The following ABCA10 variants were observed in gnomAD, a reference collection of about 807,000 sequenced individuals.
ABCA10 encodes ATP binding cassette subfamily A member 10.
In ABCA10, 169 loss-of-function variants were observed where a neutral mutation model predicts 187.5. The observed-to-expected ratio is 0.90, with a 90% CI of 0.80 to 1.02. The LOEUF is 1.02. Ranked by LOEUF, ABCA10 falls within the 50% of genes least tolerant of loss-of-function variation. The probability of loss-of-function intolerance (pLI) is 0.00; values close to 1 mark genes in which losing one functional copy is unlikely to be tolerated. For missense variants in ABCA10, 1,727 were observed against 1,812.4 expected (o/e 0.95, Z 0.86); for synonymous variants, 574 against 601.8 (o/e 0.95, Z 0.68).
At chr17:69,214,286 C>T (rs1406291480) in intron 9 of ABCA10, among the ~76,000 whole-genome samples, 1 of 152,052 alleles carries the variant, frequency 6.6e-6, no homozygotes, top group Non-Finnish European at 1.5e-5. Context: ...GAGGCCGAGG[C>T]GGGCGGATCA....
chr17:69,211,360 T>TAC (rs1197088472), intron 9 of ABCA10, among the ~76,000 whole-genome samples: 635 of 30,332 alleles, frequency 0.021, 10 homozygotes, highest in Admixed American at 0.043. Context: ...TATATATATA[T>TAC]ACACACACAC....
intron 25 of ABCA10, among the ~76,000 whole-genome samples, chr17:69,171,863 T>C (rs1163794413): frequency 6.6e-6 from 1 of 151,790 alleles, no homozygotes; most frequent in Non-Finnish European, 1.5e-5. Context: ...AAAAAGATTT[T>C]TTTTAAACTA....
chr17:69,205,795 T>C (rs552187539), intron 9 of ABCA10, among the ~76,000 whole-genome samples: 13 of 152,282 alleles, frequency 8.5e-5, no homozygotes, highest in African/African-American at 2.6e-4. Flanking sequence ...TGGGGGAATA[T>C]TGGAAAAGAA....
rs2074543446 is a variant in ABCA10, at chr17:69,201,423, T to C, written c.1175+77A>G. The stretch of plus-strand genomic sequence containing the variant: ...TAAAAAGAAAAGAACACATAATCTA[T>C]ATCAACATTTGACCTGCAGCTTCAT... On this transcript the variant is annotated intron_variant, in intron 10 of 38. Coordinates refer to ENST00000690296, the MANE Select transcript of ABCA10 (RefSeq NM_001377321.1). 4.0e-6 allele frequency: 5 copies of C among 1,253,824 alleles called. No homozygotes were observed. In the East Asian group the frequency reaches 1.3e-4, roughly 32 times the overall value. The allele number at this position is 1,253,824 out of a possible 1,614,324, so 77.7% of individuals were successfully genotyped here. A position where few individuals can be genotyped will look rare whatever the true frequency, so the allele number is the denominator to read the frequency against.
Position 69,216,558 on chromosome 17 carries a change from C to T in ABCA10, c.531-200G>A, listed in dbSNP as rs547192735. 1.8e-3 allele frequency among the ~76,000 whole-genome samples: 272 copies of T among 152,204 alleles called. 1 individual carries two copies. The highest frequency in any genetic ancestry group is 6.3e-3 in the African/African-American group (263 of 41,526). ...TGTAAAATGGAGTTTTTCATGGTAG[C>T]TATTCATATGGTTGTTCTGAGAAAT... On this transcript the variant is annotated intron_variant, in intron 6 of 38. Coordinates refer to ENST00000690296, the MANE Select transcript of ABCA10 (RefSeq NM_001377321.1).
intron 36 of ABCA10, among the ~76,000 whole-genome samples, chr17:69,151,035 A>G (rs1207822167): frequency 6.6e-6 from 1 of 152,094 alleles, no homozygotes; most frequent in Non-Finnish European, 1.5e-5. Context: ...GGTCTTCTAT[A>G]TGGTAAAAAA....
intron 26 of ABCA10, among the ~76,000 whole-genome samples, 174 bp downstream of exon 26, chr17:69,164,790 C>A (rs2074243217): frequency 1.3e-5 from 2 of 152,206 alleles, no homozygotes; most frequent in South Asian, 4.1e-4. Context: ...GAATAGTGAT[C>A]TCAGCAAATT....
intron 25 of ABCA10, among the ~76,000 whole-genome samples, chr17:69,167,865 T>A (rs2074265290): frequency 6.6e-6 from 1 of 151,886 alleles, no homozygotes; most frequent in South Asian, 2.1e-4. Flanking sequence ...AAGCAAAAAG[T>A]AAGACAGAAA....
intron 11 of ABCA10, 38 bp downstream of exon 11, chr17:69,197,026 G>GGGGGAA (rs1568065058): frequency 2.1e-6 from 3 of 1,421,844 alleles, no homozygotes; most frequent in Non-Finnish European, 2.9e-6. Context: ...GGGAGGGGGA[G>GGGGGAA]AGGGAGAGGG....
Position 69,197,852 on chromosome 17 carries a change from T to C in ABCA10, c.1176-730A>G, listed in dbSNP as rs528615821. Among the ~76,000 whole-genome samples the C allele has an allele frequency of 2.0e-5, 3 of 152,364 alleles. No individual in the cohort carries two copies. The South Asian group carries it at 6.2e-4, about 32-fold the overall frequency. On this transcript the variant is annotated intron_variant, in intron 10 of 38. Transcript: ENST00000690296. ...ATTCTCAAACCTTTGCCATACAATC[T>C]TACCCACTCTCATGGCTTCAACTCC... is the stretch of plus-strand genomic sequence containing the variant.
At chr17:69,155,762 A>G (rs1168593896) in intron 29 of ABCA10, 43 bp downstream of exon 29, 1 of 1,591,106 alleles carries the variant, frequency 6.3e-7, no homozygotes. Context: ...TAGAGGACAA[A>G]CTATCTGAGC....
exon 1 of ABCA10, chr17:69,244,771 C>A (rs1193312466): frequency 9.9e-5 from 15 of 151,182 alleles, no homozygotes; most frequent in Admixed American, 9.9e-4. Context: ...AACAGAACAA[C>A]AATAAAAACA....
chr17:69,164,252 C>G (rs2074239718), intron 26 of ABCA10, 98 bp from the exon 27 acceptor site: 4 of 935,220 alleles, frequency 4.3e-6, no homozygotes, highest in Non-Finnish European at 6.2e-6. Flanking sequence ...TTCTATGGGA[C>G]AACAGTAAGT....
chr17:69,205,851 A>C (rs116328790), intron 9 of ABCA10, among the ~76,000 whole-genome samples: 1 of 152,292 alleles, frequency 6.6e-6, no homozygotes, highest in African/African-American at 2.4e-5. Flanking sequence ...GAAACATGAA[A>C]ATGTTGCCTA....
At chr17:69,161,535 G>A (rs2074218499) in intron 27 of ABCA10, among the ~76,000 whole-genome samples, 1 of 152,126 alleles carries the variant, frequency 6.6e-6, no homozygotes, top group Non-Finnish European at 1.5e-5. Context: ...GGGATGTGAC[G>A]AAAGCCGCTT....
In ABCA10 at chr17:69,201,604, T is replaced by G; in HGVS notation, c.1071A>C (p.Gln357His). 1 of 1,612,732 alleles carries G rather than the reference T, an allele frequency of 6.2e-7. No individual in the cohort carries two copies. The change falls in exon 10 of 39, where the codon CAA (glutamine) becomes CAC (histidine). Residue 357 changes from glutamine (Q) to histidine (H), a missense_variant. Gln to His is a conservative substitution (Grantham distance 24). Transcript: ENST00000690296. ...FLKSSFWSKH[Q>H]NTHHEIFENE... ...TCTCAAAGATTTCATGATGAGTATT[T>G]TGATGTTTGGACCAAAATGAGGACT...
chr17:69,179,226 T>A (rs2074360553), intron 22 of ABCA10, among the ~76,000 whole-genome samples: 1 of 151,380 alleles, frequency 6.6e-6, no homozygotes, highest in Non-Finnish European at 1.5e-5. Context: ...AAAACCTCTA[T>A]CTGAACCTCG....
intron 18 of ABCA10, among the ~76,000 whole-genome samples, chr17:69,188,358 C>T (rs1162834071): frequency 6.6e-6 from 1 of 151,944 alleles, no homozygotes; most frequent in Non-Finnish European, 1.5e-5. Flanking sequence ...CCCACATATA[C>T]CACACATTTA....
At chr17:69,171,632 T>C (rs943369224) in intron 25 of ABCA10, among the ~76,000 whole-genome samples, 1 of 151,996 alleles carries the variant, frequency 6.6e-6, no homozygotes, top group African/African-American at 2.4e-5. Flanking sequence ...AAAATAAAGA[T>C]AAATAGAAAA....
Sources: gnomAD v4.1 joint callset for allele counts (sites outside exome capture counted in the v4.1 genomes callset) on GRCh38, gnomAD v4.1.1 for gene constraint, MANE v1.5 for transcripts, NCBI Gene and HGNC (gene_info 2026-07-23, HGNC 2026-07-21) for gene names.